Variants in PDE4B observed in about 807,000 individuals in gnomAD.
PDE4B encodes 3',5'-cyclic-AMP phosphodiesterase 4B.
Under a neutral mutation model 82.2 loss-of-function variants are expected in PDE4B, and 20 were observed. The observed-to-expected ratio is 0.24, with a 90% confidence interval of 0.17 to 0.35. The LOEUF is 0.35. PDE4B is among the 10% of genes least tolerant of loss of function. PDE4B has a pLI of 1.00. For missense variants in PDE4B, 655 were observed against 907.2 expected, an observed-to-expected ratio of 0.72 and a Z score of 3.57; for synonymous variants, 320 against 318.9, an observed-to-expected ratio of 1.00 and a Z score of -0.04.
At chr1:66,046,600 T>G (rs1397593947) in intron 3 of PDE4B, among the ~76,000 whole-genome samples, 2 of 151,858 alleles carry the variant, frequency 1.3e-5, no homozygotes, top group Non-Finnish European at 2.9e-5. Flanking sequence ...CAATCATGTC[T>G]GGCGAAAGTC....
intron 3 of PDE4B, among the ~76,000 whole-genome samples, chr1:66,200,573 G>T (rs2101528777): frequency 6.6e-6 from 1 of 152,224 alleles, no homozygotes; most frequent in East Asian, 1.9e-4. Context: ...TCCCTTGTAA[G>T]TTGGATTCCT....
intron 3 of PDE4B, among the ~76,000 whole-genome samples, chr1:66,024,131 C>T (rs906737637): frequency 1.3e-5 from 2 of 152,082 alleles, no homozygotes; most frequent in African/African-American, 4.8e-5. Context: ...TACAAGTATC[C>T]TCCATTAATG....
intron 9 of PDE4B, among the ~76,000 whole-genome samples, chr1:66,358,446 G>A (rs1486421944): frequency 6.6e-6 from 1 of 152,110 alleles, no homozygotes; most frequent in African/African-American, 2.4e-5. Flanking sequence ...AGGCCGAGAT[G>A]GGCAGATCAC....
intron 3 of PDE4B, among the ~76,000 whole-genome samples, chr1:66,150,475 C>A (rs999297640): frequency 1.3e-5 from 2 of 152,160 alleles, no homozygotes; most frequent in Admixed American, 6.5e-5. Flanking sequence ...ATTATGACAT[C>A]TCCAAATATA....
chr1:65,969,320 G>T (rs1263756302), intron 3 of PDE4B, among the ~76,000 whole-genome samples: 5 of 152,130 alleles, frequency 3.3e-5, no homozygotes, highest in Non-Finnish European at 7.4e-5. Context: ...GAATTGTGTG[G>T]TTATATCCAG....
intron 3 of PDE4B, among the ~76,000 whole-genome samples, chr1:66,175,893 T>G (rs1252411689): frequency 6.6e-6 from 1 of 152,114 alleles, no homozygotes. Flanking sequence ...TGCCTCAAAT[T>G]TGGGACAGAA....
Position 66,368,950 on chromosome 1 carries a change from CT to C in PDE4B, c.1828del (p.Ser610LeufsTer36), listed in dbSNP as rs765586144. 1 of 1,604,634 alleles carries C rather than the reference CT, an allele frequency of 6.2e-7. No homozygotes were observed. The highest frequency in any genetic ancestry group is 1.7e-5 in the Admixed American group (1 of 58,378). ...AGCCCAATGTGTGATAAACACACAG[CT>C]TCTGTGGAAAAATCCCAGGTATCTA... ...EISPMCDKHTASVEKSQVGFI... is the reference protein window; with the variant it reads ...EISPMCDKHTXSVEKSQVGFI... On this transcript the variant is annotated frameshift_variant, in exon 16 of 17. Coordinates refer to ENST00000341517, the MANE Select transcript of PDE4B (RefSeq NM_002600.4). LOFTEE classifies it high-confidence loss of function.
At chr1:66,038,162 C>T (rs1256118752) in intron 3 of PDE4B, among the ~76,000 whole-genome samples, 2 of 152,026 alleles carry the variant, frequency 1.3e-5, no homozygotes, top group African/African-American at 4.8e-5. Flanking sequence ...TTTATTCAGT[C>T]AGTTGGACAG....
chr1:66,035,085 C>A (rs1570044386), intron 3 of PDE4B, among the ~76,000 whole-genome samples: 1 of 152,304 alleles, frequency 6.6e-6, no homozygotes, highest in East Asian at 1.9e-4. Flanking sequence ...TATCTGCAAT[C>A]CATTACTTAC....
intron 3 of PDE4B, among the ~76,000 whole-genome samples, chr1:66,151,870 C>G (rs72679119): frequency 0.1 from 15,186 of 152,182 alleles, 1,072 homozygotes; most frequent in East Asian, 0.16. Flanking sequence ...GAATGAGGCT[C>G]TCCCCAGCAT....
chr1:66,183,436 G>A (rs1271752817), intron 3 of PDE4B, among the ~76,000 whole-genome samples: 1 of 152,138 alleles, frequency 6.6e-6, no homozygotes, highest in Non-Finnish European at 1.5e-5. Context: ...CAATTTGGCT[G>A]CTGGGAGCAA....
chr1:66,020,421 C>G (rs925465534), intron 3 of PDE4B, among the ~76,000 whole-genome samples: 1 of 151,976 alleles, frequency 6.6e-6, no homozygotes, highest in Non-Finnish European at 1.5e-5. Flanking sequence ...CCCGATAACT[C>G]GTCATTTATA....
At chr1:66,051,827 T>C (rs1480222101) in intron 3 of PDE4B, among the ~76,000 whole-genome samples, 3 of 152,198 alleles carry the variant, frequency 2.0e-5, no homozygotes, top group African/African-American at 7.2e-5. Context: ...TTATCACTCA[T>C]GTATTGTGGT....
chr1:65,823,267 G>A (rs972251135), intron 1 of PDE4B, among the ~76,000 whole-genome samples: 3 of 151,790 alleles, frequency 2.0e-5, no homozygotes, highest in African/African-American at 7.3e-5. Flanking sequence ...GTGGTGGTGT[G>A]TGTCTGTAAT....
At chr1:66,171,353 A>G (rs1646833111) in intron 3 of PDE4B, among the ~76,000 whole-genome samples, 1 of 152,330 alleles carries the variant, frequency 6.6e-6, no homozygotes, top group African/African-American at 2.4e-5. Flanking sequence ...ATGGAATATT[A>G]GTCTTCTGTA....
At chr1:65,914,300 C>G (rs1188160378) in intron 2 of PDE4B, among the ~76,000 whole-genome samples, 2 of 152,160 alleles carry the variant, frequency 1.3e-5, no homozygotes, top group Non-Finnish European at 2.9e-5. Context: ...CAGCTTCCTT[C>G]TGTGTTCCTG....
intron 3 of PDE4B, among the ~76,000 whole-genome samples, chr1:66,096,521 T>A (rs1045469632): frequency 7.4e-6 from 1 of 135,370 alleles, no homozygotes; most frequent in Non-Finnish European, 1.6e-5. Context: ...TATATATATA[T>A]ATATATATAT....
intron 3 of PDE4B, chr1:65,992,434 G>T: frequency 6.5e-6 from 1 of 153,562 alleles, no homozygotes; most frequent in Admixed American, 6.5e-5. Flanking sequence ...CATGCTGGAC[G>T]GATTCTGGGT....
At chr1:65,838,484 C>CGTATATATATATATAT (rs1646166936) in intron 1 of PDE4B, among the ~76,000 whole-genome samples, 1 of 146,442 alleles carries the variant, frequency 6.8e-6, no homozygotes, top group Non-Finnish European at 1.5e-5. Flanking sequence ...TATATATATA[C>CGTATATATATATATAT]GTATATGTAT....
Sources: gnomAD v4.1 joint callset for allele counts (sites outside exome capture counted in the v4.1 genomes callset) on GRCh38, gnomAD v4.1.1 for gene constraint, MANE v1.5 for transcripts, NCBI Gene and HGNC (gene_info 2026-07-23, HGNC 2026-07-21) for gene names.